Variants in CRB1 observed in about 807,000 individuals in gnomAD.
CRB1 encodes crumbs cell polarity complex component 1.
CRB1 carries 83 observed loss-of-function variants against 120.0 expected under a neutral mutation model. The observed-to-expected ratio is 0.69, with a 90% confidence interval of 0.58 to 0.83. The LOEUF is 0.83. CRB1 is among the 40% of genes least tolerant of loss of function. The pLI is 0.00. For missense variants in CRB1, 1,699 were observed against 1,687.6 expected (o/e 1.01, Z -0.12); for synonymous variants, 625 against 612.5 (o/e 1.02, Z -0.30).
intron 4 of CRB1, among the ~76,000 whole-genome samples, chr1:197,348,745 G>A (rs1490299799): frequency 6.6e-6 from 1 of 152,028 alleles, no homozygotes; most frequent in Non-Finnish European, 1.5e-5. Flanking sequence ...CAAAGTGCTG[G>A]GATTACAGGC....
chr1:197,423,919 G>A (rs1409431655), intron 6 of CRB1, among the ~76,000 whole-genome samples: 1 of 152,110 alleles, frequency 6.6e-6, no homozygotes, highest in Admixed American at 6.5e-5. Flanking sequence ...GGTCACAGAA[G>A]TGTCCATAAG....
intron 5 of CRB1, among the ~76,000 whole-genome samples, chr1:197,420,606 C>T (rs1664253134): frequency 6.6e-6 from 1 of 152,148 alleles, no homozygotes; most frequent in Admixed American, 6.5e-5. Context: ...CAGCCAGGGA[C>T]AGAATATACA....
chr1:197,354,489 G>A (rs183428942), intron 4 of CRB1, among the ~76,000 whole-genome samples: 1 of 152,228 alleles, frequency 6.6e-6, no homozygotes, highest in African/African-American at 2.4e-5. Context: ...CTTCTTTCTG[G>A]TGGGTTCGTG....
At chr1:197,342,575 G>A (rs1659531848) in intron 2 of CRB1, among the ~76,000 whole-genome samples, 4 of 151,728 alleles carry the variant, frequency 2.6e-5, no homozygotes, top group Admixed American at 1.3e-4. Flanking sequence ...TTTTTAAATG[G>A]TATTTGACAC....
At chr1:197,206,897 T>C in the CRB1 span, among the ~76,000 whole-genome samples, 1 of 152,180 alleles carries the variant, frequency 6.6e-6, no homozygotes, top group African/African-American at 2.4e-5. Context: ...GTAGTAATTG[T>C]TTTGTAAATG....
chr1:197,359,709 C>A (rs1660677750), intron 5 of CRB1, among the ~76,000 whole-genome samples: 3 of 152,030 alleles, frequency 2.0e-5, no homozygotes, highest in Non-Finnish European at 4.4e-5. Context: ...TTTTGCATTC[C>A]CACCAGCAAT....
the CRB1 span, among the ~76,000 whole-genome samples, chr1:197,250,447 C>G: frequency 0.013 from 2,008 of 152,062 alleles, 20 homozygotes; most frequent in Non-Finnish European, 0.022. Flanking sequence ...TTCCAACAAA[C>G]TTTACGATTA....
intron 11 of CRB1, among the ~76,000 whole-genome samples, chr1:197,461,437 G>A (rs1666525248): frequency 1.3e-5 from 2 of 152,100 alleles, no homozygotes; most frequent in South Asian, 4.1e-4. Flanking sequence ...AAAGAGCCTG[G>A]GGTGGGTTAT....
intron 11 of CRB1, among the ~76,000 whole-genome samples, chr1:197,457,866 A>G (rs1309511864): frequency 6.6e-6 from 1 of 152,160 alleles, no homozygotes; most frequent in South Asian, 2.1e-4. Flanking sequence ...AAATTAGTTC[A>G]CAAATAAGTT....
chr1:197,309,565 T>C (rs1247303994), intron 1 of CRB1, among the ~76,000 whole-genome samples: 1 of 151,916 alleles, frequency 6.6e-6, no homozygotes, highest in Non-Finnish European at 1.5e-5. Flanking sequence ...CCTTCCTGGC[T>C]AACACGGTGA....
At chr1:197,445,454 A>G (rs1476884036) in intron 11 of CRB1, among the ~76,000 whole-genome samples, 3 of 152,172 alleles carry the variant, frequency 2.0e-5, no homozygotes, top group Admixed American at 2.0e-4. Flanking sequence ...ACCACTGAGG[A>G]CTTACTCTAT....
intron 1 of CRB1, among the ~76,000 whole-genome samples, chr1:197,294,709 T>C (rs933393641): frequency 6.6e-6 from 1 of 152,138 alleles, no homozygotes. Flanking sequence ...ATATACACCA[T>C]GGAATACTAT....
intron 11 of CRB1, among the ~76,000 whole-genome samples, chr1:197,455,285 C>T (rs989743893): frequency 6.6e-6 from 1 of 152,092 alleles, no homozygotes; most frequent in Non-Finnish European, 1.5e-5. Context: ...AATTAACTGA[C>T]AAAAATAACT....
chr1:197,258,074 G>T, the CRB1 span, among the ~76,000 whole-genome samples: 1 of 152,050 alleles, frequency 6.6e-6, no homozygotes, highest in Admixed American at 6.6e-5. Flanking sequence ...ATTCTAAATA[G>T]TTAGAAAGAA....
the CRB1 span, among the ~76,000 whole-genome samples, chr1:197,253,767 C>A: frequency 6.6e-6 from 1 of 151,774 alleles, no homozygotes; most frequent in African/African-American, 2.4e-5. Context: ...GAATTTTTTT[C>A]TTAATGGGTT....
chr1:197,426,318 A>G (rs1244425629), intron 6 of CRB1, among the ~76,000 whole-genome samples: 1 of 152,044 alleles, frequency 6.6e-6, no homozygotes, highest in African/African-American at 2.4e-5. Flanking sequence ...TTTTGCTCAG[A>G]TATCACTTTC....
At chr1:197,407,730 C>T (rs2125445589) in intron 5 of CRB1, among the ~76,000 whole-genome samples, 1 of 152,244 alleles carries the variant, frequency 6.6e-6, no homozygotes, top group South Asian at 2.1e-4. Context: ...CACTAAGGGA[C>T]TCTTATGATA....
intron 5 of CRB1, among the ~76,000 whole-genome samples, chr1:197,419,809 C>CA (rs551970933): frequency 0.62 from 79,050 of 127,082 alleles, 24,743 homozygotes; most frequent in East Asian, 0.77. Context: ...CCCATCTCTA[C>CA]AAAAAAAAAA....
At chr1:197,220,338 A>C in the CRB1 span, among the ~76,000 whole-genome samples, 961 of 152,344 alleles carry the variant, frequency 6.3e-3, 14 homozygotes, top group African/African-American at 0.022. Flanking sequence ...GTAAATAATG[A>C]ACTTAGAAGA....
Sources: gnomAD v4.1 joint callset for allele counts (sites outside exome capture counted in the v4.1 genomes callset) on GRCh38, gnomAD v4.1.1 for gene constraint, MANE v1.5 for transcripts, NCBI Gene and HGNC (gene_info 2026-07-23, HGNC 2026-07-21) for gene names.